The following F13A1 variants were observed in gnomAD, a reference collection of about 807,000 sequenced individuals.
F13A1 encodes the protein FSF, A subunit.
A neutral mutation model predicts 80.1 loss-of-function variants in F13A1; 47 were observed. The ratio of observed to expected loss-of-function variants is 0.59; its 90% confidence interval spans 0.46 to 0.75. The LOEUF (loss-of-function observed/expected upper bound fraction) is 0.75, where lower values mean the gene tolerates loss of function less well. Among genes scored for constraint, F13A1 ranks in the 30% least tolerant of loss-of-function variants. The pLI, the probability that F13A1 is intolerant of heterozygous loss-of-function variation, is 0.00. For missense variants in F13A1, 817 were observed against 930.4 expected (o/e 0.88, Z 1.59); for synonymous variants, 349 against 344.9 (o/e 1.01, Z -0.13).
rs771433623 is a variant in F13A1 at position 6,167,532 on chromosome 6, G to A, written c.1834C>T (p.Arg612Cys). The A allele has an allele frequency of 1.8e-5, 29 of 1,614,024 alleles. No homozygotes were observed. In the East Asian group the frequency reaches 2.0e-4, roughly 11 times the overall value. Residue 612 changes from arginine to cysteine, a missense_variant, in exon 13 of 15, where the codon CGC (arginine) becomes TGC (cysteine). Physicochemically the swap from Arg to Cys is radical, Grantham distance 180. Transcript: ENST00000264870. ...AGAACATCCCTGGTCTCATTGATGC[G>A]AGCTGTGACAAAGAAGTGCAGGGAC... ...QASLHFFVTA[R>C]INETRDVLAK...
intron 13 of F13A1, among the ~76,000 whole-genome samples, chr6:6,158,666 C>T (rs1760519657): frequency 6.6e-6 from 1 of 152,196 alleles, no homozygotes; most frequent in African/African-American, 2.4e-5. Context: ...GATGGAGCCA[C>T]AGAGAGTGCA....
At chr6:6,181,831 T>A (rs537041446) in intron 11 of F13A1, among the ~76,000 whole-genome samples, 157 bp downstream of exon 11, 3 of 152,228 alleles carry the variant, frequency 2.0e-5, no homozygotes, top group Non-Finnish European at 4.4e-5. Context: ...AAATTGCATA[T>A]GTGACGTGTC....
rs779989483 is a variant in F13A1, at chr6:6,160,342, T to TTG, written c.1908+7114_1908+7115dup. 1.3e-3 allele frequency among the ~76,000 whole-genome samples: 195 copies of TTG among 151,880 alleles called. 1 individual carries two copies. Among genetic ancestry groups the TTG allele is most frequent in the Non-Finnish European group, 2.5e-3 (173 of 67,908 alleles). On this transcript the variant is annotated intron_variant, in intron 13 of 14. Transcript: ENST00000264870. ...ATTTTTCTCTGATAATGTTTTGCTT[T>TTG]TGTTTTGTTTTGTTTTTTGAGTCTT... is the stretch of plus-strand genomic sequence containing the variant.
intron 10 of F13A1, among the ~76,000 whole-genome samples, chr6:6,191,605 G>A (rs1761201200): frequency 6.6e-6 from 1 of 152,194 alleles, no homozygotes; most frequent in Admixed American, 6.5e-5. Context: ...CCCATAGAAT[G>A]TGAACATTTG....
Position 6,309,975 on chromosome 6 carries a change from A to G in F13A1, c.131-4436T>C, listed in dbSNP as rs1229006794. Among the ~76,000 whole-genome samples the G allele has an allele frequency of 4.6e-5, 7 of 152,152 alleles. No homozygotes were observed. The East Asian group carries it at 1.3e-3, about 29-fold the overall frequency. ...GCAAAGTAAGGCTGGAGACGGAGAA[A>G]TATTCGAGTATTTCTTTGGTATCAT... On this transcript the variant is annotated intron_variant, in intron 2 of 14. Coordinates refer to ENST00000264870, the MANE Select transcript of F13A1 (RefSeq NM_000129.4).
intron 12 of F13A1, among the ~76,000 whole-genome samples, chr6:6,171,497 G>C (rs533001007): frequency 1.3e-5 from 2 of 152,276 alleles, no homozygotes; most frequent in East Asian, 3.9e-4. Flanking sequence ...TCCACCTTCA[G>C]CACATGCCCA....
chr6:6,263,255 T>C (rs1015305252), intron 4 of F13A1, among the ~76,000 whole-genome samples: 1 of 152,234 alleles, frequency 6.6e-6, no homozygotes, highest in African/African-American at 2.4e-5. Context: ...ACACAGCCCA[T>C]GACCATCTCC....
chr6:6,211,998 T>C (rs563616026), intron 8 of F13A1, among the ~76,000 whole-genome samples: 4 of 152,276 alleles, frequency 2.6e-5, no homozygotes, highest in African/African-American at 7.2e-5. Flanking sequence ...CACCAGGAGA[T>C]TATATCCCGC....
At chr6:6,202,910 A>T (rs1396873574) in intron 8 of F13A1, among the ~76,000 whole-genome samples, 1 of 152,264 alleles carries the variant, frequency 6.6e-6, no homozygotes, top group Non-Finnish European at 1.5e-5. Context: ...CAGCAGCACC[A>T]TCCCCTGCTG....
intron 3 of F13A1, among the ~76,000 whole-genome samples, chr6:6,294,525 C>T (rs1758287191): frequency 8.6e-6 from 1 of 116,240 alleles, no homozygotes; most frequent in South Asian, 2.5e-4. Flanking sequence ...ACACAACACT[C>T]ACACACACAC....
At chr6:6,253,431 G>A (rs1757661881) in intron 4 of F13A1, among the ~76,000 whole-genome samples, 1 of 152,198 alleles carries the variant, frequency 6.6e-6, no homozygotes, top group Non-Finnish European at 1.5e-5. Context: ...AGCTGAGCAT[G>A]TGATCATACA....
chr6:6,315,441 ATT>A lies in F13A1; in HGVS notation c.130+3092_130+3093del, dbSNP rs3024337. 8.5e-3 allele frequency among the ~76,000 whole-genome samples: 1,291 copies of A among 151,474 alleles called. 9 individuals are homozygous for A. Among genetic ancestry groups the A allele is most frequent in the Middle Eastern group, 0.017 (5 of 294 alleles). ...TTTCCGTGCCTACCTCAAATATTTC[ATT>A]TTTTTTTTCTTGAATATCATGGTGT... On this transcript the variant is annotated intron_variant, in intron 2 of 14. Transcript: ENST00000264870.
chr6:6,265,385 T>G (rs1757830078), intron 4 of F13A1, among the ~76,000 whole-genome samples: 1 of 152,126 alleles, frequency 6.6e-6, no homozygotes, highest in African/African-American at 2.4e-5. Flanking sequence ...GACCTAGAAG[T>G]GGTCTCTCCC....
At chr6:6,291,287 C>T (rs1168074222) in intron 3 of F13A1, among the ~76,000 whole-genome samples, 4 of 152,122 alleles carry the variant, frequency 2.6e-5, no homozygotes, top group African/African-American at 7.2e-5. Flanking sequence ...CCAGTCCCTC[C>T]TGAATCTTCA....
intron 10 of F13A1, among the ~76,000 whole-genome samples, chr6:6,192,085 T>C (rs1168900725): frequency 1.3e-5 from 2 of 152,184 alleles, no homozygotes; most frequent in East Asian, 3.9e-4. Flanking sequence ...AGGAGCAGTA[T>C]GTCTAAAAGT....
At chr6:6,161,429 G>A (rs4960172) in intron 13 of F13A1, among the ~76,000 whole-genome samples, 75,913 of 151,780 alleles carry the variant, frequency 0.5, 20,086 homozygotes, top group African/African-American at 0.69. Context: ...AATCCCCCCA[G>A]TGCAGTGTTT....
chr6:6,231,455 C>T (rs549939890), intron 6 of F13A1, among the ~76,000 whole-genome samples: 8 of 151,518 alleles, frequency 5.3e-5, no homozygotes, highest in East Asian at 3.9e-4. Flanking sequence ...TAAGAATAAT[C>T]GGTGTTCCTG....
At chr6:6,195,353 G>C (rs1220107345) in intron 10 of F13A1, among the ~76,000 whole-genome samples, 1 of 152,204 alleles carries the variant, frequency 6.6e-6, no homozygotes, top group African/African-American at 2.4e-5. Context: ...AGATTGCAAA[G>C]GCCAGGGTAA....
intron 11 of F13A1, among the ~76,000 whole-genome samples, chr6:6,180,782 AG>A (rs1561645485): frequency 6.6e-6 from 1 of 152,218 alleles, no homozygotes; most frequent in Non-Finnish European, 1.5e-5. Context: ...ACTATGCACA[AG>A]TGTTCTCAAT....
Sources: allele counts gnomAD v4.1 joint callset (sites outside exome capture counted in the v4.1 genomes callset), GRCh38; gene constraint gnomAD v4.1.1; transcripts MANE v1.5; gene names NCBI Gene and HGNC (gene_info 2026-07-23, HGNC 2026-07-21).